The following CPQ variants were observed in gnomAD, a reference collection of about 807,000 sequenced individuals.
CPQ encodes the protein Ser-Met dipeptidase.
A neutral mutation model predicts 45.7 loss-of-function variants in CPQ; 37 were observed. The ratio of observed to expected loss-of-function variants is 0.81; its 90% CI spans 0.62 to 1.07. The LOEUF is 1.07. Among genes scored for constraint, CPQ ranks in the 50% least tolerant of loss-of-function variants. CPQ has a pLI of 0.00. For missense variants in CPQ, 537 were observed against 572.9 expected, an observed-to-expected ratio of 0.94 and a Z score of 0.64; for synonymous variants, 186 against 205.8, an observed-to-expected ratio of 0.90 and a Z score of 0.82.
intron 1 of CPQ, among the ~76,000 whole-genome samples, chr8:96,676,387 T>C (rs1370020415): frequency 6.6e-6 from 1 of 152,034 alleles, no homozygotes; most frequent in African/African-American, 2.4e-5. Flanking sequence ...AATTTATTCC[T>C]GGGTTTTCTA....
At chr8:96,827,804 A>G (rs7837462) in intron 2 of CPQ, among the ~76,000 whole-genome samples, 91,440 of 151,888 alleles carry the variant, frequency 0.6, 28,246 homozygotes, top group East Asian at 0.89. Flanking sequence ...GCCAGGGTAT[A>G]TAGTGATAGG....
At chr8:96,814,754 G>A (rs1811203813) in intron 2 of CPQ, among the ~76,000 whole-genome samples, 1 of 152,076 alleles carries the variant, frequency 6.6e-6, no homozygotes, top group Admixed American at 6.6e-5. Context: ...TGCAATACAA[G>A]GACAAGTCCT....
intron 7 of CPQ, among the ~76,000 whole-genome samples, chr8:97,073,393 A>G (rs1586527298): frequency 6.6e-6 from 1 of 152,212 alleles, no homozygotes; most frequent in Non-Finnish European, 1.5e-5. Context: ...CAATCACCAG[A>G]TGGAATAGCG....
intron 7 of CPQ, among the ~76,000 whole-genome samples, chr8:97,100,613 A>G (rs973266165): frequency 2.0e-5 from 3 of 152,170 alleles, no homozygotes; most frequent in African/African-American, 7.2e-5. Flanking sequence ...CTCATTTAAT[A>G]TCTAAATTTG....
chr8:96,741,454 T>C (rs557273824), intron 1 of CPQ, among the ~76,000 whole-genome samples: 51 of 151,778 alleles, frequency 3.4e-4, no homozygotes, highest in African/African-American at 1.2e-3. Flanking sequence ...TTTTGAAGGG[T>C]TTTTTGTGTC....
At chr8:97,071,909 G>C (rs1406195798) in intron 7 of CPQ, among the ~76,000 whole-genome samples, 3 of 152,166 alleles carry the variant, frequency 2.0e-5, no homozygotes, top group Admixed American at 6.6e-5. Flanking sequence ...ACTTTTGTCA[G>C]GCCTGTCTCT....
chr8:96,842,974 C>T (rs560697785), intron 3 of CPQ, among the ~76,000 whole-genome samples: 90 of 152,192 alleles, frequency 5.9e-4, no homozygotes, highest in Non-Finnish European at 7.4e-5. Context: ...GGCATGAGTT[C>T]GGCTAACTGC....
intron 6 of CPQ, 138 bp from the exon 7 acceptor site, chr8:97,065,871 C>A: frequency 1.2e-6 from 1 of 806,258 alleles, no homozygotes; most frequent in Non-Finnish European, 2.0e-6. Flanking sequence ...GCAGAGCAGA[C>A]CTTAAGTCAG....
rs139362119 is a variant in CPQ, at chr8:96,810,571, T to C, written c.434-24402T>C. The stretch of plus-strand genomic sequence containing the variant: ...TGATGTGAAAGCACTCTGTACCTAG[T>C]AAAGCAGTTCACACACATAAGTTAT... On this transcript the variant is annotated intron_variant, in intron 2 of 7. Transcript: ENST00000220763. Among the ~76,000 whole-genome samples the C allele has an allele frequency of 4.8e-3, 724 of 152,330 alleles. 5 individuals are homozygous for C. Among genetic ancestry groups the C allele is most frequent in the African/African-American group, 0.016 (671 of 41,580 alleles).
chr8:96,685,057 T>G (rs940523668), intron 1 of CPQ, among the ~76,000 whole-genome samples: 3 of 151,962 alleles, frequency 2.0e-5, no homozygotes, highest in African/African-American at 7.3e-5. Context: ...TGAGCTGAGC[T>G]CGTGCCACTG....
intron 4 of CPQ, among the ~76,000 whole-genome samples, chr8:96,921,211 C>A (rs892295438): frequency 6.6e-6 from 1 of 152,092 alleles, no homozygotes; most frequent in Non-Finnish European, 1.5e-5. Flanking sequence ...TTTCTCATTT[C>A]TCTCCCCCTT....
At chr8:96,688,218 T>A (rs757429910) in intron 1 of CPQ, among the ~76,000 whole-genome samples, 1 of 152,180 alleles carries the variant, frequency 6.6e-6, no homozygotes, top group Non-Finnish European at 1.5e-5. Flanking sequence ...GAACATATAC[T>A]ATGCTGCATT....
At chr8:97,049,572 A>C (rs1049960177) in intron 6 of CPQ, among the ~76,000 whole-genome samples, 2 of 152,210 alleles carry the variant, frequency 1.3e-5, no homozygotes, top group Non-Finnish European at 2.9e-5. Flanking sequence ...GGGGAGTGGA[A>C]ACTCAATAGT....
intron 1 of CPQ, among the ~76,000 whole-genome samples, chr8:96,770,421 C>T (rs1383835343): frequency 6.6e-6 from 1 of 152,160 alleles, no homozygotes; most frequent in Non-Finnish European, 1.5e-5. Flanking sequence ...AATTTTCTTT[C>T]TTCAAGACTC....
At chr8:96,876,809 G>A (rs1406978715) in intron 3 of CPQ, among the ~76,000 whole-genome samples, 1 of 152,098 alleles carries the variant, frequency 6.6e-6, no homozygotes, top group Non-Finnish European at 1.5e-5. Flanking sequence ...CTTTTTATAT[G>A]TTGCCGGTTC....
intron 1 of CPQ, among the ~76,000 whole-genome samples, chr8:96,680,094 A>C (rs115141874): frequency 0.024 from 3,681 of 152,224 alleles, 163 homozygotes; most frequent in African/African-American, 0.084. Flanking sequence ...TGCTGTATCG[A>C]ATAGGTTCTG....
At chr8:96,749,494 A>G (rs897100587) in intron 1 of CPQ, among the ~76,000 whole-genome samples, 6 of 152,204 alleles carry the variant, frequency 3.9e-5, no homozygotes, top group African/African-American at 1.4e-4. Context: ...AGAATTCACA[A>G]TCTTTCATCG....
intron 1 of CPQ, among the ~76,000 whole-genome samples, chr8:96,734,314 T>G (rs1440167401): frequency 6.6e-6 from 1 of 152,198 alleles, no homozygotes; most frequent in Non-Finnish European, 1.5e-5. Context: ...TGCAATAGCC[T>G]CTAACAGGCT....
chr8:97,083,047 T>C (rs567446417), intron 7 of CPQ, among the ~76,000 whole-genome samples: 1 of 152,310 alleles, frequency 6.6e-6, no homozygotes, highest in African/African-American at 2.4e-5. Context: ...TCATCACTTA[T>C]AGCAGTGTGC....
Sources: gnomAD v4.1 joint callset for allele counts (sites outside exome capture counted in the v4.1 genomes callset) on GRCh38, gnomAD v4.1.1 for gene constraint, MANE v1.5 for transcripts, NCBI Gene and HGNC (gene_info 2026-07-23, HGNC 2026-07-21) for gene names.